The following TMEM87A variants were observed in gnomAD, a reference collection of about 807,000 sequenced individuals.
TMEM87A encodes transmembrane protein 87A.
A neutral mutation model predicts 90.0 loss-of-function variants in TMEM87A; 50 were observed. That is an observed-to-expected ratio of 0.56 (90% CI 0.44 to 0.70). The LOEUF is 0.70. TMEM87A is among the 30% of genes least tolerant of loss of function. TMEM87A has a pLI of 0.00. For missense variants in TMEM87A, 577 were observed against 660.5 expected (o/e 0.87, Z 1.39); for synonymous variants, 226 against 226.7 (o/e 1.00, Z 0.03).
chr15:42,220,497 G>A (rs1269715710), intron 15 of TMEM87A, among the ~76,000 whole-genome samples: 1 of 152,208 alleles, frequency 6.6e-6, no homozygotes, highest in Non-Finnish European at 1.5e-5. Flanking sequence ...AACAATACCT[G>A]TCACATTCAG....
chr15:42,238,330 G>A (rs1169180110), intron 8 of TMEM87A, among the ~76,000 whole-genome samples: 2 of 152,094 alleles, frequency 1.3e-5, no homozygotes, highest in African/African-American at 2.4e-5. Flanking sequence ...CAATTTGGGA[G>A]GCAGAGATGG....
At position 42,211,370 on chromosome 15, in the gene TMEM87A, A is replaced by C. The variant is rs898284590; in HGVS notation, c.*338T>G. The C allele has an allele frequency of 4.9e-6, 1 of 202,590 alleles. No individual in the cohort carries two copies. The highest frequency in any genetic ancestry group is 2.3e-5 in the African/African-American group (1 of 43,140). The allele number at this position is 202,590 out of a possible 1,614,324, so 12.5% of individuals were successfully genotyped here. On this transcript the variant is annotated 3_prime_UTR_variant, in exon 20 of 20. Coordinates refer to ENST00000389834, the MANE Select transcript of TMEM87A (RefSeq NM_015497.5). The stretch of plus-strand genomic sequence containing the variant: ...TGATGACAATCTTTTAGAAGACGTT[A>C]AACTTTTTAGTTTGTCAGATTTAAA...
chr15:42,258,861 GA>G (rs2051232349), intron 6 of TMEM87A: 1 of 1,510,430 alleles, frequency 6.6e-7, no homozygotes, highest in Non-Finnish European at 8.8e-7. Context: ...AAGAAACTCT[GA>G]AAATCTACTC....
intron 15 of TMEM87A, among the ~76,000 whole-genome samples, chr15:42,225,632 A>G (rs943760557): frequency 6.6e-6 from 1 of 152,144 alleles, no homozygotes. Flanking sequence ...TCCGGGTTCA[A>G]GCGATTCTTG....
chr15:42,267,535 C>T (rs897082749), intron 3 of TMEM87A, among the ~76,000 whole-genome samples: 1 of 152,160 alleles, frequency 6.6e-6, no homozygotes, highest in Non-Finnish European at 1.5e-5. Flanking sequence ...TATAAGAATA[C>T]AGTGATCTTC....
chr15:42,233,736 C>A (rs1386913410), intron 10 of TMEM87A, among the ~76,000 whole-genome samples: 1 of 151,976 alleles, frequency 6.6e-6, no homozygotes, highest in Non-Finnish European at 1.5e-5. Context: ...TAAATGAGGA[C>A]CTTATTTTTC....
chr15:42,242,355 G>A (rs2050887756), intron 7 of TMEM87A, among the ~76,000 whole-genome samples: 1 of 152,104 alleles, frequency 6.6e-6, no homozygotes, highest in Non-Finnish European at 1.5e-5. Context: ...GAGCCAGGCT[G>A]GATGCATGAA....
intron 15 of TMEM87A, among the ~76,000 whole-genome samples, chr15:42,225,035 T>C (rs1357210468): frequency 6.6e-6 from 1 of 152,196 alleles, no homozygotes; most frequent in Non-Finnish European, 1.5e-5. Context: ...AATGTAAAAG[T>C]TCTTTCTCAA....
chr15:42,211,768 G>A lies in TMEM87A; in HGVS notation c.1627-19C>T, dbSNP rs1477660855. ...TTCGTTCCTAGGGAAAAAAAAAAAG[G>A]TTGAAGTATATTAGGTTAAAATGAT... On this transcript the variant is annotated intron_variant, in intron 19 of 19. Transcript: ENST00000389834. 8.7e-6 allele frequency: 14 copies of A among 1,607,534 alleles called. No individual in the cohort carries two copies. The highest frequency in any genetic ancestry group is 6.7e-5 in the East Asian group (3 of 44,816).
At chr15:42,265,222 C>T (rs1456418126) in intron 3 of TMEM87A, among the ~76,000 whole-genome samples, 2 of 152,120 alleles carry the variant, frequency 1.3e-5, no homozygotes, top group Admixed American at 1.3e-4. Context: ...TGGATATATA[C>T]CCAGTAATGG....
intron 6 of TMEM87A, chr15:42,258,970 CT>C (rs1275251464): frequency 1.0e-6 from 1 of 982,922 alleles, no homozygotes; most frequent in Non-Finnish European, 1.6e-6. Context: ...AGAAATGTTT[CT>C]TCAAGAAAGG....
chr15:42,217,177 C>T (rs1160138296), intron 19 of TMEM87A, among the ~76,000 whole-genome samples: 1 of 152,116 alleles, frequency 6.6e-6, no homozygotes, highest in African/African-American at 2.4e-5. Context: ...TGGTCTCAAG[C>T]TCCTGACCTC....
chr15:42,272,448 T>C lies in TMEM87A; in HGVS notation c.145-325A>G, dbSNP rs1304373762. On this transcript the variant is annotated intron_variant, in intron 1 of 19. Transcript: ENST00000389834. ...ACAAAAGGTATAACGTTTACCATAA[T>C]AAAAGCCCAAATAAGATTTGGACAT... 2.6e-5 allele frequency among the ~76,000 whole-genome samples: 4 copies of C among 152,220 alleles called. No homozygotes were observed. The East Asian group carries it at 5.8e-4, about 22-fold the overall frequency.
chr15:42,246,093 ACTT>A (rs768927109), intron 6 of TMEM87A, among the ~76,000 whole-genome samples: 70 of 152,222 alleles, frequency 4.6e-4, no homozygotes, highest in Non-Finnish European at 9.3e-4. Flanking sequence ...CTACTTATTT[ACTT>A]CTTGTCTCCA....
At chr15:42,249,159 T>C (rs1008987349) in intron 6 of TMEM87A, among the ~76,000 whole-genome samples, 3 of 152,236 alleles carry the variant, frequency 2.0e-5, no homozygotes, top group African/African-American at 4.8e-5. Context: ...ATTGCATCTA[T>C]TTGATTCTTC....
intron 10 of TMEM87A, among the ~76,000 whole-genome samples, chr15:42,235,657 G>A (rs534595059): frequency 1.3e-5 from 2 of 152,150 alleles, no homozygotes; most frequent in South Asian, 2.1e-4. Flanking sequence ...CTCTTCCCTT[G>A]GGTATACATA....
intron 11 of TMEM87A, chr15:42,233,009 G>A (rs1341375106): frequency 3.0e-6 from 1 of 329,446 alleles, no homozygotes; most frequent in African/African-American, 2.2e-5. Flanking sequence ...AGGTGGAAAA[G>A]CATTCATTCG....
At chr15:42,259,894 GA>G (rs1391528158) in intron 6 of TMEM87A, among the ~76,000 whole-genome samples, 2 of 152,200 alleles carry the variant, frequency 1.3e-5, no homozygotes, top group Admixed American at 6.5e-5. Context: ...AAAATGTCCA[GA>G]AAAGGCAAGT....
chr15:42,245,028 T>C (rs1437868997), intron 6 of TMEM87A, among the ~76,000 whole-genome samples: 1 of 151,964 alleles, frequency 6.6e-6, no homozygotes, highest in East Asian at 2.0e-4. Context: ...GGTTAAAATA[T>C]CCTACAACCA....
Sources: allele counts gnomAD v4.1 joint callset (sites outside exome capture counted in the v4.1 genomes callset), GRCh38; gene constraint gnomAD v4.1.1; transcripts MANE v1.5; gene names NCBI Gene and HGNC (gene_info 2026-07-23, HGNC 2026-07-21).